The following DYM variants were observed in gnomAD, a reference collection of about 807,000 sequenced individuals.
DYM encodes dyggve-Melchior-Clausen syndrome protein.
DYM carries 78 observed loss-of-function variants against 93.1 expected under a neutral mutation model. The observed-to-expected ratio is 0.84, with a 90% CI of 0.70 to 1.01. The LOEUF is 1.01. DYM is among the 50% of genes least tolerant of loss of function. The probability of loss-of-function intolerance (pLI) is 0.00; values close to 1 mark genes in which losing one functional copy is unlikely to be tolerated. For synonymous variants in DYM, 321 were observed against 319.7 expected, an observed-to-expected ratio of 1.00 and a Z score of -0.04; for missense variants, 789 against 845.0, an observed-to-expected ratio of 0.93 and a Z score of 0.82.
chr18:49,441,273 A>AAT (rs1568454676), intron 1 of DYM, among the ~76,000 whole-genome samples: 4 of 34,020 alleles, frequency 1.2e-4, no homozygotes, highest in African/African-American at 2.3e-4. Context: ...TATATAATAT[A>AAT]TATTATATAA....
At chr18:49,155,540 C>T (rs2086306065) in intron 15 of DYM, among the ~76,000 whole-genome samples, 1 of 152,182 alleles carries the variant, frequency 6.6e-6, no homozygotes, top group Admixed American at 6.5e-5. Context: ...GTAGTCACAC[C>T]TCATTCTGCT....
At chr18:49,416,819 A>C (rs962301991) in intron 2 of DYM, among the ~76,000 whole-genome samples, 2 of 152,184 alleles carry the variant, frequency 1.3e-5, no homozygotes, top group Non-Finnish European at 2.9e-5. Flanking sequence ...CCTACAAGGG[A>C]CCCTACTTCT....
intron 16 of DYM, chr18:49,116,548 A>G (rs973521202): frequency 2.0e-5 from 3 of 152,190 alleles, no homozygotes; most frequent in Non-Finnish European, 4.4e-5. Flanking sequence ...TGAATGTTAT[A>G]ATCCTTAAGA....
intron 10 of DYM, among the ~76,000 whole-genome samples, chr18:49,273,995 T>C (rs906465761): frequency 6.6e-6 from 1 of 152,118 alleles, no homozygotes; most frequent in Non-Finnish European, 1.5e-5. Flanking sequence ...TTCATTCTTT[T>C]AAATATTTGT....
chr18:49,339,517 C>A (rs113115267), intron 6 of DYM, among the ~76,000 whole-genome samples: 7 of 152,248 alleles, frequency 4.6e-5, no homozygotes, highest in Non-Finnish European at 8.8e-5. Flanking sequence ...GAGGTCTACA[C>A]GGCAAAGAAC....
chr18:49,246,140 T>C (rs1488270495), intron 13 of DYM, among the ~76,000 whole-genome samples: 1 of 152,220 alleles, frequency 6.6e-6, no homozygotes, highest in Non-Finnish European at 1.5e-5. Context: ...ACAATACTTG[T>C]GATAGGGAGT....
chr18:49,290,067 CTTTT>C (rs1028667634), intron 8 of DYM, among the ~76,000 whole-genome samples: 1 of 144,602 alleles, frequency 6.9e-6, no homozygotes, highest in Non-Finnish European at 1.5e-5. Context: ...CCCAGCAATT[CTTTT>C]TTTTTTTCTA....
At chr18:49,260,242 T>C (rs1230823298) in intron 11 of DYM, among the ~76,000 whole-genome samples, 2 of 152,080 alleles carry the variant, frequency 1.3e-5, no homozygotes, top group Non-Finnish European at 2.9e-5. Flanking sequence ...TAGCCGGGTG[T>C]AGTAGTGTAC....
chr18:49,089,278 T>C (rs918098257), intron 17 of DYM, among the ~76,000 whole-genome samples: 7 of 152,118 alleles, frequency 4.6e-5, no homozygotes, highest in African/African-American at 1.7e-4. Flanking sequence ...AAAAAGGAAG[T>C]TGAGTCAAAA....
intron 1 of DYM, among the ~76,000 whole-genome samples, chr18:49,435,109 A>T (rs1333796553): frequency 2.0e-5 from 3 of 151,002 alleles, no homozygotes; most frequent in Non-Finnish European, 4.4e-5. Flanking sequence ...TAGGGAGACT[A>T]AGGCACGAGA....
chr18:49,096,885 T>A (rs1005734137), intron 17 of DYM, among the ~76,000 whole-genome samples: 1 of 152,250 alleles, frequency 6.6e-6, no homozygotes, highest in Non-Finnish European at 1.5e-5. Flanking sequence ...GCAGGCTCCA[T>A]CATTTTCCAG....
intron 8 of DYM, among the ~76,000 whole-genome samples, chr18:49,301,300 C>T (rs566888110): frequency 6.6e-6 from 1 of 152,254 alleles, no homozygotes; most frequent in African/African-American, 2.4e-5. Context: ...GCTGGCAGAT[C>T]ACGAGCTCAG....
Position 49,079,476 on chromosome 18 carries a change from AC to A in DYM, c.2025+17925del, listed in dbSNP as rs373083335. 8.6e-5 allele frequency among the ~76,000 whole-genome samples: 13 copies of A among 151,382 alleles called. No homozygotes were observed. In the East Asian group the frequency reaches 2.5e-3, roughly 30 times the overall value. On this transcript the variant is annotated intron_variant, in intron 17 of 17. Transcript: ENST00000675505. Reference sequence around the variant, plus strand: ...GAGGGGGATTTGGCAGGGTCATAGGACAATAGTGGAGGGAAGGTGGGCAGAT... The same window carrying A: ...GAGGGGGATTTGGCAGGGTCATAGGAAATAGTGGAGGGAAGGTGGGCAGAT...
At chr18:49,130,511 A>G (rs1350144048) in intron 15 of DYM, among the ~76,000 whole-genome samples, 2 of 152,084 alleles carry the variant, frequency 1.3e-5, no homozygotes, top group African/African-American at 4.8e-5. Flanking sequence ...GTTTGTGTCT[A>G]TTGTGCATTA....
At chr18:49,304,053 T>G (rs2061124676) in intron 8 of DYM, among the ~76,000 whole-genome samples, 1 of 152,232 alleles carries the variant, frequency 6.6e-6, no homozygotes, top group South Asian at 2.1e-4. Flanking sequence ...GCATTTGGCT[T>G]TATATTGGTC....
At chr18:49,154,987 G>A (rs1194083640) in intron 15 of DYM, among the ~76,000 whole-genome samples, 1 of 152,050 alleles carries the variant, frequency 6.6e-6, no homozygotes, top group East Asian at 1.9e-4. Context: ...TATATATCAT[G>A]GGTATCTTTT....
intron 1 of DYM, among the ~76,000 whole-genome samples, chr18:49,442,008 C>G (rs1286828399): frequency 6.6e-6 from 1 of 152,104 alleles, no homozygotes; most frequent in East Asian, 1.9e-4. Context: ...GCCTCCAAGG[C>G]AGGAGACTGA....
In DYM at chr18:49,441,269, A is replaced by AT. The variant is rs1491191211; in HGVS notation, c.-53-10823dup. Among the ~76,000 whole-genome samples the AT allele has an allele frequency of 2.2e-4, 8 of 36,740 alleles. 1 individual carries two copies. The highest frequency in any genetic ancestry group is 9.7e-4 in the East Asian group (1 of 1,026). 24.1% of individuals were successfully genotyped at this position (36,740 alleles called of 152,430 possible). A position where few individuals can be genotyped will look rare whatever the true frequency, so the allele number is the denominator to read the frequency against. On this transcript the variant is annotated intron_variant, in intron 1 of 17. Coordinates refer to ENST00000675505, the MANE Select transcript of DYM (RefSeq NM_001353214.3). The stretch of plus-strand genomic sequence containing the variant: ...TAATATTGTTATATATAATTATATA[A>AT]TATATATTATATAATTATATATAAT...
At chr18:49,295,096 A>G (rs1160535198) in intron 8 of DYM, among the ~76,000 whole-genome samples, 2 of 152,192 alleles carry the variant, frequency 1.3e-5, no homozygotes, top group Admixed American at 6.5e-5. Context: ...AAGCATTAAA[A>G]CGACTGCATA....
Sources: gnomAD v4.1 joint callset for allele counts (sites outside exome capture counted in the v4.1 genomes callset) on GRCh38, gnomAD v4.1.1 for gene constraint, MANE v1.5 for transcripts, NCBI Gene and HGNC (gene_info 2026-07-23, HGNC 2026-07-21) for gene names.